Variants in CFAP74 observed in about 807,000 individuals in gnomAD.
CFAP74 encodes cilia and flagella associated protein 74, also known as cilia- and flagella-associated protein 74.
A neutral mutation model predicts 188.9 loss-of-function variants in CFAP74; 124 were observed. That is an observed-to-expected ratio of 0.66 (90% confidence interval 0.57 to 0.76). CFAP74 has a LOEUF of 0.76. Ranked by LOEUF, CFAP74 falls within the 30% of genes least tolerant of loss-of-function variation. The pLI, the probability that CFAP74 is intolerant of heterozygous loss-of-function variation, is 0.00. For synonymous variants in CFAP74, 956 were observed against 916.7 expected (o/e 1.04, Z -0.77); for missense variants, 2,198 against 2,165.2 (o/e 1.02, Z -0.30).
chr1:1,975,186 T>C lies in CFAP74; in HGVS notation c.501-988A>G, dbSNP rs1367644407. On this transcript the variant is annotated intron_variant, in intron 6 of 38. Coordinates refer to ENST00000682832, the MANE Select transcript of CFAP74 (RefSeq NM_001304360.2). The surrounding 1 kb of genome is among the most constrained non-coding windows in gnomAD (Gnocchi z 4.5). The stretch of plus-strand genomic sequence containing the variant: ...TAAAAGCTTTTCCTGTGGAGCCGAG[T>C]CCAGTCTCTCTCCCCACTGCAACAC... Among the ~76,000 whole-genome samples, 1 of 152,210 alleles carries C rather than the reference T, an allele frequency of 6.6e-6. No individual in the cohort carries two copies. Among genetic ancestry groups the C allele is most frequent in the Non-Finnish European group, 1.5e-5 (1 of 68,040 alleles).
At chr1:1,972,280 G>A (rs529837539) in intron 8 of CFAP74, among the ~76,000 whole-genome samples, 198 bp from the exon 9 acceptor site, 3 of 152,208 alleles carry the variant, frequency 2.0e-5, no homozygotes, top group African/African-American at 4.8e-5. Flanking sequence ...CAGCGATGCC[G>A]TGTGGGGTGT....
chr1:1,965,468 CT>C (rs1655404919), intron 12 of CFAP74, among the ~76,000 whole-genome samples: 2 of 152,222 alleles, frequency 1.3e-5, no homozygotes, highest in African/African-American at 4.8e-5. Context: ...TCAGCACACA[CT>C]GGGCTTTCTC....
intron 18 of CFAP74, among the ~76,000 whole-genome samples, chr1:1,947,969 T>C (rs1204248808): frequency 6.6e-6 from 1 of 151,944 alleles, no homozygotes; most frequent in Non-Finnish European, 1.5e-5. Flanking sequence ...GCCTCCCGGG[T>C]TCAAGTAATT....
intron 16 of CFAP74, among the ~76,000 whole-genome samples, chr1:1,957,293 C>T (rs1166735247): frequency 6.6e-6 from 1 of 152,190 alleles, no homozygotes; most frequent in East Asian, 1.9e-4. Flanking sequence ...GCCCAATGGC[C>T]CCTCCTCGGG....
chr1:1,932,076 A>AT (rs1652437337), intron 25 of CFAP74, among the ~76,000 whole-genome samples: 1 of 58,960 alleles, frequency 1.7e-5, no homozygotes, highest in African/African-American at 4.0e-5. Context: ...CAAAAAAAAA[A>AT]AAACAAAAAA....
In CFAP74 at chr1:1,956,901, A is replaced by G. The variant is rs1388544347; in HGVS notation, c.1852-117T>C. 1.2e-5 allele frequency: 12 copies of G among 1,021,860 alleles called. 1 individual carries two copies. Among genetic ancestry groups the G allele is most frequent in the African/African-American group, 9.6e-5 (6 of 62,436 alleles). The allele number at this position is 1,021,860 out of a possible 1,614,324, so 63.3% of individuals were successfully genotyped here. On this transcript the variant is annotated intron_variant, in intron 16 of 38. Transcript: ENST00000682832. ...CCCTGAGCATTTGTGCGCGTTGTGC[A>G]CTGCACAAGCAGGTACACGATTCAA...
In CFAP74 at chr1:1,959,844, G is replaced by A. The variant is rs1327099701; in HGVS notation, c.1761+120C>T. 1.4e-5 allele frequency: 11 copies of A among 787,342 alleles called. No individual in the cohort carries two copies. The South Asian group carries it at 1.8e-4, about 13-fold the overall frequency. 48.8% of individuals were successfully genotyped at this position (787,342 alleles called of 1,614,324 possible). On this transcript the variant is annotated intron_variant, in intron 15 of 38. Coordinates refer to ENST00000682832, the MANE Select transcript of CFAP74 (RefSeq NM_001304360.2). ...AAAATAGCAAAACAGGGGCCTGCGTGATCCTCACTGAGAGGCCAAGTGCAT... is the reference window on the plus strand; with the variant it reads ...AAAATAGCAAAACAGGGGCCTGCGTAATCCTCACTGAGAGGCCAAGTGCAT...
rs181531458 is a variant in CFAP74 at position 1,932,321 on chromosome 1, C to T, written c.3012-1985G>A. Reference sequence around the variant, plus strand: ...CTGAGGCAGGAGAATGGCGTGAACCCAGGAGGCGGAGCTTGCAGTGAGCCG... The same window carrying T: ...CTGAGGCAGGAGAATGGCGTGAACCTAGGAGGCGGAGCTTGCAGTGAGCCG... On this transcript the variant is annotated intron_variant, in intron 25 of 38. Coordinates refer to ENST00000682832, the MANE Select transcript of CFAP74 (RefSeq NM_001304360.2). Among the ~76,000 whole-genome samples the T allele has an allele frequency of 8.4e-3, 1,246 of 148,862 alleles. 21 individuals carry two copies. Among genetic ancestry groups the T allele is most frequent in the African/African-American group, 0.029 (1,173 of 40,494 alleles).
rs1043642107 is a variant in CFAP74 at position 1,968,565 on chromosome 1, C to G, written c.1245+70G>C. Reference sequence around the variant, plus strand: ...GTCCTCAGAGGATGTCTCACCACACCTGAGCCCTGAGGCCCCACCTGCCCT... The same window carrying G: ...GTCCTCAGAGGATGTCTCACCACACGTGAGCCCTGAGGCCCCACCTGCCCT... On this transcript the variant is annotated intron_variant, in intron 11 of 38. Transcript: ENST00000682832. The surrounding 1 kb of genome is among the most constrained non-coding windows in gnomAD (Gnocchi z 4.3). 1 of 1,372,002 alleles carries G rather than the reference C, an allele frequency of 7.3e-7. No individual in the cohort carries two copies. The highest frequency in any genetic ancestry group is 1.0e-6 in the Non-Finnish European group (1 of 978,188). The allele number at this position is 1,372,002 out of a possible 1,614,324, so 85.0% of individuals were successfully genotyped here.
At chr1:1,970,953 A>G (rs915246318) in intron 9 of CFAP74, 137 bp from the exon 10 acceptor site, 7 of 1,039,724 alleles carry the variant, frequency 6.7e-6, no homozygotes, top group Admixed American at 2.1e-5. Context: ...ACACCTGCAC[A>G]TGCACACATC....
intron 25 of CFAP74, among the ~76,000 whole-genome samples, chr1:1,938,178 T>C (rs1037254931): frequency 2.1e-5 from 3 of 140,940 alleles, no homozygotes; most frequent in Admixed American, 7.1e-5. Context: ...CACACCCACA[T>C]ACAAGCACTC....
rs189486902 is a variant in CFAP74 at position 1,961,701 on chromosome 1, T to C, written c.1695-1671A>G. On this transcript the variant is annotated intron_variant, in intron 14 of 38. Coordinates refer to ENST00000682832, the MANE Select transcript of CFAP74 (RefSeq NM_001304360.2). ...AACCCTCCAGACTTAAAATTAACCATAAGGTGAAAAGTAAACACCAACCTC... is the reference window on the plus strand; with the variant it reads ...AACCCTCCAGACTTAAAATTAACCACAAGGTGAAAAGTAAACACCAACCTC... 1.7e-3 allele frequency among the ~76,000 whole-genome samples: 251 copies of C among 152,080 alleles called. 1 individual carries two copies. The highest frequency in any genetic ancestry group is 5.6e-3 in the African/African-American group (232 of 41,464).
intron 10 of CFAP74, 125 bp downstream of exon 10, chr1:1,970,534 C>T (rs151168757): frequency 6.3e-5 from 70 of 1,111,250 alleles, no homozygotes; most frequent in Admixed American, 4.2e-4. Context: ...GCCCCACAGC[C>T]GCCTGAGTGG....
intron 9 of CFAP74, 118 bp downstream of exon 9, chr1:1,971,862 T>G: frequency 1.3e-6 from 1 of 745,414 alleles, no homozygotes; most frequent in Non-Finnish European, 2.2e-6. Context: ...GGTCACCAAG[T>G]GCGCGGGTCA....
chr1:1,955,589 C>G, intron 18 of CFAP74, 102 bp downstream of exon 18: 1 of 1,611,608 alleles, frequency 6.2e-7, no homozygotes, highest in Admixed American at 1.7e-5. Context: ...TAGGAAAATT[C>G]TCTACTTTCC....
chr1:1,991,501 G>A (rs916530182), intron 1 of CFAP74, among the ~76,000 whole-genome samples: 2 of 152,202 alleles, frequency 1.3e-5, no homozygotes, highest in Admixed American at 6.5e-5. Context: ...TACTCAGGAG[G>A]CTGAGGCAGG....
intron 18 of CFAP74, among the ~76,000 whole-genome samples, chr1:1,951,052 A>G (rs1342689894): frequency 6.6e-6 from 1 of 152,214 alleles, no homozygotes; most frequent in Non-Finnish European, 1.5e-5. Flanking sequence ...CCTGCTATAA[A>G]GAACTGCCCG....
At chr1:1,972,206 A>G (rs1656134062) in intron 8 of CFAP74, 124 bp from the exon 9 acceptor site, 8 of 732,006 alleles carry the variant, frequency 1.1e-5, no homozygotes. Context: ...TCAGCCTCCC[A>G]AAGCGCTGGG....
At chr1:1,961,652 C>T (rs1655099203) in intron 14 of CFAP74, among the ~76,000 whole-genome samples, 2 of 152,138 alleles carry the variant, frequency 1.3e-5, no homozygotes, top group South Asian at 4.1e-4. Flanking sequence ...AATCCCATGC[C>T]TTCAGCATGA....
Sources: gnomAD v4.1 joint callset for allele counts (sites outside exome capture counted in the v4.1 genomes callset) on GRCh38, gnomAD v4.1.1 for gene constraint, Gnocchi (gnomAD v3.1) non-coding constraint, MANE v1.5 for transcripts, NCBI Gene and HGNC (gene_info 2026-07-23, HGNC 2026-07-21) for gene names.